Variants in ARHGAP45 observed in about 807,000 individuals in gnomAD.
The protein encoded by ARHGAP45 is rho GTPase-activating protein 45.
In ARHGAP45, 56 loss-of-function variants were observed where a neutral mutation model predicts 116.1. That is an observed-to-expected ratio of 0.48 (90% CI 0.39 to 0.60). ARHGAP45 has a LOEUF of 0.60. Among genes scored for constraint, ARHGAP45 ranks in the 20% least tolerant of loss-of-function variants. ARHGAP45 has a pLI of 0.00. For missense variants in ARHGAP45, 1,622 were observed against 1,601.0 expected, an observed-to-expected ratio of 1.01 and a Z score of -0.22; for synonymous variants, 866 against 701.7, an observed-to-expected ratio of 1.23 and a Z score of -3.70.
chr19:1,071,154 G>C lies in ARHGAP45; in HGVS notation c.422-1995G>C. On this transcript the variant is annotated intron_variant, in intron 2 of 22. Coordinates refer to ENST00000313093, the MANE Select transcript of ARHGAP45 (RefSeq NM_012292.5). This position sits in a 1 kb window ranked among gnomAD's most constrained non-coding sequence, Gnocchi z 4.6. ...GGAAGGACCCAGGCTGGGGCGAACGGGACCCCAGGGCGGGGTTTCCCTCGC... is the reference window on the plus strand; with the variant it reads ...GGAAGGACCCAGGCTGGGGCGAACGCGACCCCAGGGCGGGGTTTCCCTCGC... The C allele has an allele frequency of 7.7e-7, 1 of 1,298,944 alleles. No homozygotes were observed. The highest frequency in any genetic ancestry group is 1.6e-5 in the South Asian group (1 of 60,624). 80.5% of individuals were successfully genotyped at this position (1,298,944 alleles called of 1,614,324 possible). A position where few individuals can be genotyped will look rare whatever the true frequency, so the allele number is the denominator to read the frequency against.
rs780767833 is a variant in ARHGAP45 at position 1,081,715 on chromosome 19, G to C, written c.2356G>C (p.Glu786Gln). 18 of 1,574,786 alleles carry C rather than the reference G, an allele frequency of 1.1e-5. No individual in the cohort carries two copies. Among genetic ancestry groups the C allele is most frequent in the East Asian group, 4.6e-5 (2 of 43,168 alleles). The change falls in exon 18 of 23, where the codon GAG becomes CAG. Residue 786 changes from glutamate to glutamine, a missense_variant. Transcript: ENST00000313093. ...CGTCAAGAAGTGCGTCTGCGAGATCGAGCGGCGGGCGCTGCGCACCAAGGT... is the reference window on the plus strand; with the variant it reads ...CGTCAAGAAGTGCGTCTGCGAGATCCAGCGGCGGGCGCTGCGCACCAAGGT... ...FIVKKCVCEIERRALRTKGIY... is the reference protein window; with the variant it reads ...FIVKKCVCEIQRRALRTKGIY...
Position 1,080,749 on chromosome 19 carries a change from C to T in ARHGAP45, c.1980C>T (p.Asp660=), listed in dbSNP as rs973582501. The change falls in exon 16 of 23, where the codon GAC becomes GAT. Residue 660 remains aspartate, a synonymous_variant. Coordinates refer to ENST00000313093, the MANE Select transcript of ARHGAP45 (RefSeq NM_012292.5). ...GTMSSTEELV[D]PDGGAGASAF... is the part of the protein sequence containing the mutation. ...TGTCGTCCACGGAGGAGCTGGTGGA[C>T]CCAGACGGTGGAGCCGGGGCTTCAG... is the stretch of plus-strand genomic sequence containing the variant. 6 of 1,613,436 alleles carry T rather than the reference C, an allele frequency of 3.7e-6. No homozygotes were observed. The African/African-American group carries it at 6.7e-5, about 18-fold the overall frequency.
At chr19:1,085,455 C>T (rs1487691372) in intron 22 of ARHGAP45, among the ~76,000 whole-genome samples, 2 of 150,526 alleles carry the variant, frequency 1.3e-5, no homozygotes, top group Non-Finnish European at 3.0e-5. Flanking sequence ...CCTTGTCTCT[C>T]TCTCCTCCTC....
chr19:1,085,900 C>A lies in ARHGAP45; in HGVS notation c.3305C>A (p.Thr1102Asn). Residue 1102 changes from threonine (T) to asparagine (N), a missense_variant, in exon 23 of 23, where the codon ACC becomes AAC. By Grantham distance (65) the Thr-to-Asn change is moderately conservative (BLOSUM62 0). Around this residue, in one of 3 missense-constraint regions of ARHGAP45, gnomAD observed 1,334 missense variants for 1,263.8 expected, o/e 1.06. Coordinates refer to ENST00000313093, the MANE Select transcript of ARHGAP45 (RefSeq NM_012292.5). ...GCCCAGCAGCTCTCAGGATTCAACA[C>A]CAACCAGTCCAACAACGTGCTGCAG... is the stretch of plus-strand genomic sequence containing the variant. The part of the protein sequence containing the change: ...GPAQQLSGFN[T>N]NQSNNVLQAP... The A allele has an allele frequency of 6.2e-7, 1 of 1,612,904 alleles. No homozygotes were observed. Among genetic ancestry groups the A allele is most frequent in the South Asian group, 1.1e-5 (1 of 91,082 alleles).
rs144254022 is a variant in ARHGAP45, at chr19:1,082,865, G to A, written c.2543G>A (p.Arg848His). Residue 848 changes from arginine (R) to histidine (H), a missense_variant, in exon 20 of 23, where the codon CGC (arginine) becomes CAC (histidine). Arg to His is a conservative substitution (Grantham distance 29). Coordinates refer to ENST00000313093, the MANE Select transcript of ARHGAP45 (RefSeq NM_012292.5). ...CTTCCCGAGCCGCTCATCTCCTTCC[G>A]CCTCTACCACGAGCTCGTAGGGCTG... ...RQLPEPLISFRLYHELVGLAK... is the reference protein window; with the variant it reads ...RQLPEPLISFHLYHELVGLAK... 3.9e-5 allele frequency: 60 copies of A among 1,557,142 alleles called. No homozygotes were observed. In the African/African-American group the frequency reaches 7.2e-4, roughly 19 times the overall value.
chr19:1,082,308 T>G (rs1396037325), intron 19 of ARHGAP45, among the ~76,000 whole-genome samples: 2 of 141,862 alleles, frequency 1.4e-5, no homozygotes, highest in South Asian at 2.3e-4. Flanking sequence ...CGGTGGGGCG[T>G]GGCCAGAGCA....
intron 5 of ARHGAP45, 60 bp from the exon 6 acceptor site, chr19:1,073,888 G>A (rs1447568005): frequency 6.5e-7 from 1 of 1,530,880 alleles, no homozygotes; most frequent in East Asian, 2.4e-5. Context: ...GTCCCCTGAA[G>A]GGTGGGCACT....
Position 1,084,293 on chromosome 19 carries a change from C to T in ARHGAP45, c.3011C>T (p.Ala1004Val), listed in dbSNP as rs1212400408. 8 of 1,612,450 alleles carry T rather than the reference C, an allele frequency of 5.0e-6. No individual in the cohort carries two copies. Among genetic ancestry groups the T allele is most frequent in the East Asian group, 4.5e-5 (2 of 44,874 alleles). The stretch of plus-strand genomic sequence containing the variant: ...GTCGTCCAGGTGCCGTACCTGGAGG[C>T]GGGCGAGGCGGTGGTCTACCCGCTG... Reference protein sequence around the residue: ...EVVVQVPYLEAGEAVVYPLQE... With the variant: ...EVVVQVPYLEVGEAVVYPLQE... The change falls in exon 22 of 23, where the codon GCG becomes GTG. Residue 1004 changes from alanine to valine, a missense_variant. By Grantham distance (64) the Ala-to-Val change is moderately conservative. Transcript: ENST00000313093.
At chr19:1,078,849 T>C (rs185397398) in intron 11 of ARHGAP45, among the ~76,000 whole-genome samples, 3,740 of 151,424 alleles carry the variant, frequency 0.025, 149 homozygotes, top group African/African-American at 0.085. Flanking sequence ...CTAGAGTAGC[T>C]GGGACCACAG....
chr19:1,081,081 G>A lies in ARHGAP45; in HGVS notation c.2190+17G>A. Reference sequence around the variant, plus strand: ...TGTGAAGAGGTGAGTGGGACGCCCCGACGGACAGCTGGGAGCCTTCGGGAG... The same window carrying A: ...TGTGAAGAGGTGAGTGGGACGCCCCAACGGACAGCTGGGAGCCTTCGGGAG... On this transcript the variant is annotated intron_variant, in intron 17 of 22. Transcript: ENST00000313093. 3 of 1,592,444 alleles carry A rather than the reference G, an allele frequency of 1.9e-6. No individual in the cohort carries two copies. Among genetic ancestry groups the A allele is most frequent in the Non-Finnish European group, 2.6e-6 (3 of 1,169,672 alleles).
chr19:1,079,752 C>T lies in ARHGAP45; in HGVS notation c.1424C>T (p.Thr475Met), dbSNP rs1405260666. 1 of 1,612,600 alleles carries T rather than the reference C, an allele frequency of 6.2e-7. No homozygotes were observed. Among genetic ancestry groups the T allele is most frequent in the Non-Finnish European group, 8.5e-7 (1 of 1,179,730 alleles). The change falls in exon 12 of 23, where the codon ACG becomes ATG. Residue 475 changes from threonine to methionine, a missense_variant. Coordinates refer to ENST00000313093, the MANE Select transcript of ARHGAP45 (RefSeq NM_012292.5). ...TYRTCVADAK[T>M]QKQELEDTKV... ...CGCACCTGCGTGGCCGACGCGAAGA[C>T]GCAGAAGCAGGAGCTGGAGGATACC... is the stretch of plus-strand genomic sequence containing the variant.
chr19:1,081,757 C>A lies in ARHGAP45; in HGVS notation c.2379+19C>A. 1 of 1,553,728 alleles carries A rather than the reference C, an allele frequency of 6.4e-7. No individual in the cohort carries two copies. On this transcript the variant is annotated intron_variant, in intron 18 of 22. Coordinates refer to ENST00000313093, the MANE Select transcript of ARHGAP45 (RefSeq NM_012292.5). ...CACCAAGGTGAGGCGGGGGAGGAAG[C>A]GGCTCACAGCGAGGAGGCGGGAGTG... is the stretch of plus-strand genomic sequence containing the variant.
chr19:1,080,331 C>T lies in ARHGAP45; in HGVS notation c.1780C>T (p.Pro594Ser). 1 of 1,610,272 alleles carries T rather than the reference C, an allele frequency of 6.2e-7. No individual in the cohort carries two copies. The highest frequency in any genetic ancestry group is 8.5e-7 in the Non-Finnish European group (1 of 1,179,410). ...VARPEAAGSP[P>S]EEGGCTEGTP... ...GCGGCCGGAGGCTGCCGGGAGCCCC[C>T]CAGAAGAAGGCGGGTGCACTGAGGG... Residue 594 changes from proline (P) to serine (S), a missense_variant, in exon 14 of 23, where the codon CCA becomes TCA. Transcript: ENST00000313093.
At position 1,085,910 on chromosome 19, in the gene ARHGAP45, C is replaced by G; in HGVS notation, c.3315C>G (p.Ser1105=). The part of the protein sequence containing the change: ...QQLSGFNTNQ[S]NNVLQAPLPP... Reference sequence around the variant, plus strand: ...TCTCAGGATTCAACACCAACCAGTCCAACAACGTGCTGCAGGCCCCACTGC... The same window carrying G: ...TCTCAGGATTCAACACCAACCAGTCGAACAACGTGCTGCAGGCCCCACTGC... Residue 1105 remains serine (S), a synonymous_variant, in exon 23 of 23, where the codon TCC becomes TCG. Transcript: ENST00000313093. 8 of 1,612,948 alleles carry G rather than the reference C, an allele frequency of 5.0e-6. No individual in the cohort carries two copies. The highest frequency in any genetic ancestry group is 5.9e-6 in the Non-Finnish European group (7 of 1,179,944).
chr19:1,070,296 CTTTTCTTT>C (rs1333244760), intron 2 of ARHGAP45, among the ~76,000 whole-genome samples: 1 of 139,716 alleles, frequency 7.2e-6, no homozygotes, highest in Non-Finnish European at 1.6e-5. Context: ...CGTGCCCGGG[CTTTTCTTT>C]TTTTCTTTCT....
Position 1,067,313 on chromosome 19 carries a change from C to T in ARHGAP45, c.-93C>T. On this transcript the variant is annotated 5_prime_UTR_variant, in exon 1 of 23. Transcript: ENST00000313093. ...GCCTGACAGCTGGGGAGGGGGTGGC[C>T]GGCGACAATGTGGTCCCGAAGCGGC... The T allele has an allele frequency of 1.4e-6, 2 of 1,430,888 alleles. No homozygotes were observed. The highest frequency in any genetic ancestry group is 1.5e-5 in the South Asian group (1 of 65,522). The allele number at this position is 1,430,888 out of a possible 1,614,324, so 88.6% of individuals were successfully genotyped here. A position where few individuals can be genotyped will look rare whatever the true frequency, so the allele number is the denominator to read the frequency against.
rs1385225284 is a variant in ARHGAP45 at position 1,074,037 on chromosome 19, G to C, written c.790+23G>C. ...CCGGTAAGCCCCCACCCAGCGGCAG[G>C]CAGGCATTTGAGGGGTGGGCCATTG... On this transcript the variant is annotated intron_variant, in intron 6 of 22. Coordinates refer to ENST00000313093, the MANE Select transcript of ARHGAP45 (RefSeq NM_012292.5). The C allele has an allele frequency of 1.9e-6, 3 of 1,599,894 alleles. No individual in the cohort carries two copies. In the Admixed American group the frequency reaches 5.2e-5, roughly 28 times the overall value.
In ARHGAP45 at chr19:1,084,319, C is replaced by T; in HGVS notation, c.3037C>T (p.Gln1013Ter). The part of the protein sequence containing the change: ...EAGEAVVYPL[Q>*]EAAADGCRES... ...GGGCGAGGCGGTGGTCTACCCGCTG[C>T]AGGAGGCGGCGGCGGACGGGTGCAG... is the stretch of plus-strand genomic sequence containing the variant. The change falls in exon 22 of 23, where the codon CAG becomes TAG. Residue 1013 changes from glutamine (Q) to a stop codon, truncating the protein, a stop_gained. Transcript: ENST00000313093. LOFTEE classifies it low-confidence loss of function (END_TRUNC). 6.2e-7 allele frequency: 1 copy of T among 1,610,828 alleles called. No homozygotes were observed.
chr19:1,076,929 A>C (rs2043263735), intron 10 of ARHGAP45: 1 of 635,872 alleles, frequency 1.6e-6, no homozygotes, highest in African/African-American at 2.0e-5. Flanking sequence ...GGGTCTCACT[A>C]TGTTGACCAG....
Sources: gnomAD v4.1 joint callset for allele counts (sites outside exome capture counted in the v4.1 genomes callset) on GRCh38, gnomAD v4.1.1 for gene constraint, gnomAD v4.1.1 regional missense constraint, Gnocchi (gnomAD v3.1) non-coding constraint, MANE v1.5 for transcripts, NCBI Gene and HGNC (gene_info 2026-07-23, HGNC 2026-07-21) for gene names.